Variants in DLEU7 observed in about 807,000 individuals in gnomAD.
The protein encoded by DLEU7 is deleted in lymphocytic leukemia 7.
A neutral mutation model predicts 16.0 loss-of-function variants in DLEU7; 17 were observed. The observed-to-expected ratio is 1.06, with a 90% CI of 0.73 to 1.59. The LOEUF (loss-of-function observed/expected upper bound fraction) is 1.59, where lower values mean the gene tolerates loss of function less well. Among genes scored for constraint, DLEU7 ranks in the 40% most tolerant of loss-of-function variants. The pLI, the probability that DLEU7 is intolerant of heterozygous loss-of-function variation, is 0.00. For synonymous variants in DLEU7, 113 were observed against 139.8 expected, an observed-to-expected ratio of 0.81 and a Z score of 1.35; for missense variants, 308 against 314.9, an observed-to-expected ratio of 0.98 and a Z score of 0.17.
At chr13:50,742,563 GC>G (rs1874281088) in intron 1 of DLEU7, among the ~76,000 whole-genome samples, 3 of 152,212 alleles carry the variant, frequency 2.0e-5, no homozygotes, top group East Asian at 3.9e-4. Context: ...GTGGTTTGCA[GC>G]CCTGTTTTCT....
At chr13:50,750,633 T>C (rs1400696841) in intron 1 of DLEU7, among the ~76,000 whole-genome samples, 1 of 152,190 alleles carries the variant, frequency 6.6e-6, no homozygotes, top group African/African-American at 2.4e-5. Context: ...GTTTTCCTTG[T>C]AGCGGTCTTT....
intron 1 of DLEU7, among the ~76,000 whole-genome samples, chr13:50,739,900 G>T (rs932442405): frequency 6.6e-6 from 1 of 152,080 alleles, no homozygotes; most frequent in African/African-American, 2.4e-5. Context: ...GCTTCCCAAA[G>T]AAATGATTCT....
chr13:50,764,029 C>T (rs1173813775), intron 1 of DLEU7, among the ~76,000 whole-genome samples: 1 of 152,222 alleles, frequency 6.6e-6, no homozygotes, highest in African/African-American at 2.4e-5. Flanking sequence ...TAGTCCCGCA[C>T]TGCATTTAAG....
At chr13:50,753,116 A>ACG (rs58691789) in intron 1 of DLEU7, among the ~76,000 whole-genome samples, 4 of 151,886 alleles carry the variant, frequency 2.6e-5, no homozygotes, top group African/African-American at 9.7e-5. Context: ...TGAGCTAGAC[A>ACG]GAGTGCTGAT....
Position 50,733,343 on chromosome 13 carries a change from TCC to T in DLEU7, c.460-20105_460-20104del, listed in dbSNP as rs1873974429. ...CACAAACCAAATGTCCTCATATTTC[TCC>T]CTAGATGAATTGAATGTCCTGCACC... On this transcript the variant is annotated intron_variant, in intron 1 of 1. Coordinates refer to the DLEU7 transcript ENST00000400393. Among the ~76,000 whole-genome samples the T allele has an allele frequency of 3.9e-5, 6 of 152,276 alleles. No homozygotes were observed. In the South Asian group the frequency reaches 1.2e-3, roughly 32 times the overall value.
intron 1 of DLEU7, among the ~76,000 whole-genome samples, chr13:50,727,015 C>G (rs776316467): frequency 3.3e-5 from 5 of 152,150 alleles, no homozygotes; most frequent in Non-Finnish European, 4.4e-5. Context: ...ACTGCACATA[C>G]CATATATCTG....
At chr13:50,781,441 G>C (rs1476062396) in intron 1 of DLEU7, among the ~76,000 whole-genome samples, 1 of 152,202 alleles carries the variant, frequency 6.6e-6, no homozygotes, top group Non-Finnish European at 1.5e-5. Context: ...TGTGAAAATA[G>C]TTTTGAACTC....
At chr13:50,753,815 G>A (rs1382636878) in intron 1 of DLEU7, among the ~76,000 whole-genome samples, 2 of 152,236 alleles carry the variant, frequency 1.3e-5, no homozygotes, top group Non-Finnish European at 2.9e-5. Flanking sequence ...CCAGGCAGAG[G>A]TGCCAAGAGC....
chr13:50,752,453 A>G, intron 1 of DLEU7, among the ~76,000 whole-genome samples: 1 of 152,084 alleles, frequency 6.6e-6, no homozygotes, highest in East Asian at 1.9e-4. Context: ...TGTGTCCGGA[A>G]TTGGTGGGTT....
intron 1 of DLEU7, among the ~76,000 whole-genome samples, chr13:50,795,416 A>G (rs1455698292): frequency 1.3e-5 from 2 of 152,166 alleles, no homozygotes; most frequent in Non-Finnish European, 2.9e-5. Context: ...GATAAAGGGG[A>G]AGACAGTAGA....
At chr13:50,768,525 AT>A in intron 1 of DLEU7, among the ~76,000 whole-genome samples, 1 of 149,024 alleles carries the variant, frequency 6.7e-6, no homozygotes, top group South Asian at 2.1e-4. Flanking sequence ...ATGAGTGAGA[AT>A]ATGCGGTGTT....
chr13:50,717,503 G>A (rs1873470191), intron 1 of DLEU7, among the ~76,000 whole-genome samples: 1 of 151,818 alleles, frequency 6.6e-6, no homozygotes. Context: ...TTTGCAAACT[G>A]GAGTTATTCT....
chr13:50,718,115 A>G (rs1873490197), intron 1 of DLEU7, among the ~76,000 whole-genome samples: 1 of 152,204 alleles, frequency 6.6e-6, no homozygotes, highest in African/African-American at 2.4e-5. Flanking sequence ...TTCTATGAAT[A>G]TTGAAATTTA....
chr13:50,778,963 G>C (rs1315563721), intron 1 of DLEU7, among the ~76,000 whole-genome samples: 1 of 152,144 alleles, frequency 6.6e-6, no homozygotes, highest in Non-Finnish European at 1.5e-5. Flanking sequence ...CTAGCCTCTT[G>C]TTAGTCCCAA....
At chr13:50,729,223 C>G (rs1476151338) in intron 1 of DLEU7, among the ~76,000 whole-genome samples, 1 of 152,106 alleles carries the variant, frequency 6.6e-6, no homozygotes, top group Non-Finnish European at 1.5e-5. Context: ...GTTATTCCCT[C>G]CTTTATGTCT....
chr13:50,717,452 C>A (rs577426536), intron 1 of DLEU7, among the ~76,000 whole-genome samples: 85 of 152,152 alleles, frequency 5.6e-4, no homozygotes, highest in Non-Finnish European at 1.0e-3. Context: ...ATCATGTAAC[C>A]CACTTTTCAG....
intron 1 of DLEU7, among the ~76,000 whole-genome samples, chr13:50,741,434 C>T (rs1197022487): frequency 6.6e-6 from 1 of 152,182 alleles, no homozygotes; most frequent in Non-Finnish European, 1.5e-5. Context: ...ATCTAAATCT[C>T]TTGGGCTGGG....
intron 1 of DLEU7, among the ~76,000 whole-genome samples, chr13:50,745,935 A>G (rs1593538554): frequency 6.6e-6 from 1 of 152,322 alleles, no homozygotes; most frequent in South Asian, 2.1e-4. Flanking sequence ...ATGGAAACTG[A>G]AACAATTTAA....
intron 1 of DLEU7, among the ~76,000 whole-genome samples, chr13:50,716,368 A>G (rs1285083076): frequency 6.6e-6 from 1 of 152,212 alleles, no homozygotes; most frequent in East Asian, 1.9e-4. Context: ...TTGAGTTTTT[A>G]TATGCTATAT....
Sources: gnomAD v4.1 joint callset for allele counts (sites outside exome capture counted in the v4.1 genomes callset) on GRCh38, gnomAD v4.1.1 for gene constraint, MANE v1.5 for transcripts, NCBI Gene and HGNC (gene_info 2026-07-23, HGNC 2026-07-21) for gene names.